PACRG: variants seen among roughly 807,000 people sequenced by gnomAD.
PACRG encodes parkin coregulated.
In PACRG, 29 loss-of-function variants were observed where a neutral mutation model predicts 29.7. The ratio of observed to expected loss-of-function variants is 0.98; its 90% CI spans 0.73 to 1.33. The LOEUF (loss-of-function observed/expected upper bound fraction) is 1.33. Ranked by LOEUF, PACRG falls within the 40% of genes most tolerant of loss-of-function variation. The pLI is 0.00. For missense variants in PACRG, 279 were observed against 316.2 expected, an observed-to-expected ratio of 0.88 and a Z score of 0.89; for synonymous variants, 116 against 118.7, an observed-to-expected ratio of 0.98 and a Z score of 0.15.
In PACRG at chr6:163,028,971, A is replaced by T. The variant is rs117543559; in HGVS notation, c.292-33179A>T. On this transcript the variant is annotated intron_variant, in intron 2 of 4. Coordinates refer to ENST00000366888, the MANE Select transcript of PACRG (RefSeq NM_001080379.2). ...CAAAAGGGACATGGCAGATGCGATT[A>T]CGTTAACAGGTCTTGAGATGGGGTG... Among the ~76,000 whole-genome samples the T allele has an allele frequency of 1.4e-3, 213 of 152,360 alleles. 2 individuals carry two copies. Among genetic ancestry groups the T allele is most frequent in the East Asian group, 0.01 (54 of 5,188 alleles).
intron 2 of PACRG, among the ~76,000 whole-genome samples, chr6:162,844,177 G>T (rs878890548): frequency 6.6e-6 from 1 of 150,624 alleles, no homozygotes; most frequent in African/African-American, 2.4e-5. Flanking sequence ...CTGGGCAATG[G>T]CGGGCGCCCC....
chr6:163,001,826 T>G (rs546836849), intron 2 of PACRG, among the ~76,000 whole-genome samples: 1 of 152,298 alleles, frequency 6.6e-6, no homozygotes, highest in Non-Finnish European at 1.5e-5. Flanking sequence ...GTAATTAAAT[T>G]CCAGCCTAAT....
chr6:162,923,458 A>G (rs942773614), intron 2 of PACRG, among the ~76,000 whole-genome samples: 2 of 152,002 alleles, frequency 1.3e-5, no homozygotes, highest in African/African-American at 4.8e-5. Context: ...CATTTTCCCT[A>G]TGTTTTCTTC....
chr6:162,868,605 A>G (rs1226339869), intron 2 of PACRG, among the ~76,000 whole-genome samples: 2 of 152,068 alleles, frequency 1.3e-5, no homozygotes, highest in African/African-American at 4.8e-5. Context: ...GCCCCGCCCC[A>G]TGCAGGTGAG....
intron 4 of PACRG, chr6:163,095,284 G>C: frequency 2.0e-6 from 2 of 985,332 alleles, no homozygotes; most frequent in Non-Finnish European, 2.4e-6. Context: ...TCAGGGGAGT[G>C]GGGTCAGTCA....
At chr6:163,066,513 A>T (rs112825251) in intron 3 of PACRG, among the ~76,000 whole-genome samples, 1 of 152,312 alleles carries the variant, frequency 6.6e-6, no homozygotes, top group Non-Finnish European at 1.5e-5. Flanking sequence ...AGAGTTTCAA[A>T]GCCACATGAA....
intron 4 of PACRG, chr6:163,101,135 A>G (rs1815062789): frequency 1.0e-6 from 1 of 983,660 alleles, no homozygotes; most frequent in Non-Finnish European, 1.2e-6. Flanking sequence ...TTGCATACCA[A>G]TTACAACTCT....
At chr6:162,865,926 C>G (rs1792260422) in intron 2 of PACRG, among the ~76,000 whole-genome samples, 1 of 152,104 alleles carries the variant, frequency 6.6e-6, no homozygotes, top group Admixed American at 6.6e-5. Context: ...TTTCATATTA[C>G]AAACCTATAT....
intron 2 of PACRG, among the ~76,000 whole-genome samples, chr6:162,820,180 A>C (rs1787721694): frequency 6.6e-6 from 1 of 152,238 alleles, no homozygotes; most frequent in Admixed American, 6.5e-5. Flanking sequence ...TGCTGTGAAT[A>C]AATTAATTAG....
chr6:163,018,627 C>T (rs9458713), intron 2 of PACRG, among the ~76,000 whole-genome samples: 2,689 of 152,102 alleles, frequency 0.018, 87 homozygotes, highest in African/African-American at 0.062. Context: ...GTAATTTCGC[C>T]CAGATTTTAT....
intron 1 of PACRG, 127 bp from the exon 2 acceptor site, chr6:162,814,020 G>T (rs1434494680): frequency 1.0e-6 from 1 of 988,868 alleles, no homozygotes; most frequent in Non-Finnish European, 1.4e-6. Flanking sequence ...TCCCTTATTT[G>T]ATAATGTGTT....
intron 2 of PACRG, among the ~76,000 whole-genome samples, chr6:162,885,235 CTT>C (rs36030258): frequency 6.4e-5 from 9 of 141,726 alleles, no homozygotes; most frequent in Non-Finnish European, 1.2e-4. Flanking sequence ...TTTGAGTAAC[CTT>C]TTTTTTTTTT....
chr6:163,208,350 T>C (rs1166404490), intron 4 of PACRG, among the ~76,000 whole-genome samples: 1 of 152,116 alleles, frequency 6.6e-6, no homozygotes, highest in Non-Finnish European at 1.5e-5. Flanking sequence ...GTGGTAGTGC[T>C]AGTATAGTAT....
chr6:162,927,408 C>T lies in PACRG; in HGVS notation c.291+113127C>T, dbSNP rs528128907. Reference sequence around the variant, plus strand: ...CAAAGACATGGAATCAACCCAAATGCGCATCAATATTAGACTGGATCAAGA... The same window carrying T: ...CAAAGACATGGAATCAACCCAAATGTGCATCAATATTAGACTGGATCAAGA... On this transcript the variant is annotated intron_variant, in intron 2 of 4. Transcript: ENST00000366888. 5.1e-4 allele frequency among the ~76,000 whole-genome samples: 78 copies of T among 152,004 alleles called. 1 individual carries two copies. Among genetic ancestry groups the T allele is most frequent in the South Asian group, 1.0e-3 (5 of 4,816 alleles).
chr6:162,896,471 C>T (rs938339271), intron 2 of PACRG, among the ~76,000 whole-genome samples: 13 of 152,204 alleles, frequency 8.5e-5, no homozygotes, highest in South Asian at 4.1e-4. Context: ...AGCAGACCCA[C>T]GAGGGTGGTA....
intron 4 of PACRG, among the ~76,000 whole-genome samples, chr6:163,127,525 TCAC>T (rs1816566340): frequency 6.6e-6 from 1 of 152,216 alleles, no homozygotes; most frequent in Non-Finnish European, 1.5e-5. Flanking sequence ...TCCTTCACAT[TCAC>T]TATTGTTAAA....
chr6:163,289,329 G>A (rs574683922), intron 4 of PACRG, among the ~76,000 whole-genome samples: 16 of 152,234 alleles, frequency 1.1e-4, no homozygotes, highest in African/African-American at 3.6e-4. Context: ...TGGCTTTCAC[G>A]ATGCGGTTCC....
intron 2 of PACRG, among the ~76,000 whole-genome samples, chr6:162,820,410 AAC>A (rs1210721739): frequency 2.0e-5 from 3 of 152,186 alleles, no homozygotes; most frequent in Non-Finnish European, 4.4e-5. Flanking sequence ...TAGTAGGAAA[AAC>A]AGTTATTGCA....
At chr6:163,301,474 T>C (rs895248313) in intron 4 of PACRG, among the ~76,000 whole-genome samples, 5 of 152,196 alleles carry the variant, frequency 3.3e-5, no homozygotes, top group African/African-American at 9.7e-5. Flanking sequence ...GGTACCAGTC[T>C]AGACTAAAAA....
Sources: allele counts gnomAD v4.1 joint callset (sites outside exome capture counted in the v4.1 genomes callset), GRCh38; gene constraint gnomAD v4.1.1; transcripts MANE v1.5; gene names NCBI Gene and HGNC (gene_info 2026-07-23, HGNC 2026-07-21).